SGCZ: variants seen among roughly 807,000 people sequenced by gnomAD.
The protein encoded by SGCZ is sarcoglycan zeta.
A neutral mutation model predicts 41.3 loss-of-function variants in SGCZ; 40 were observed. The observed-to-expected ratio is 0.97, with a 90% CI of 0.75 to 1.26. The LOEUF is 1.26. SGCZ is among the 50% of genes most tolerant of loss of function. The probability of loss-of-function intolerance (pLI) is 0.00; values close to 1 mark genes in which losing one functional copy is unlikely to be tolerated. For missense variants in SGCZ, 552 were observed against 369.8 expected (o/e 1.49, Z -4.04); for synonymous variants, 206 against 137.5 (o/e 1.50, Z -3.49).
chr8:15,172,152 C>CGGTTTTTTTTTTTTTTT (rs1322884184), intron 1 of SGCZ, among the ~76,000 whole-genome samples: 6 of 70,556 alleles, frequency 8.5e-5, no homozygotes, highest in African/African-American at 2.2e-4. Flanking sequence ...CTTTTATACT[C>CGGTTTTTTTTTTTTTTT]TGTTTTTTTT....
intron 1 of SGCZ, among the ~76,000 whole-genome samples, chr8:15,232,693 G>T (rs1474737325): frequency 3.6e-5 from 5 of 139,628 alleles, no homozygotes; most frequent in Non-Finnish European, 6.3e-5. Context: ...ATATATATGT[G>T]TGTATATATA....
chr8:14,422,916 C>T (rs567398599), intron 2 of SGCZ, among the ~76,000 whole-genome samples: 1 of 151,976 alleles, frequency 6.6e-6, no homozygotes, highest in Non-Finnish European at 1.5e-5. Context: ...TAGTCCCAGC[C>T]ACTTCAGGGA....
chr8:14,478,415 G>C (rs2116997024), intron 2 of SGCZ, among the ~76,000 whole-genome samples: 1 of 152,318 alleles, frequency 6.6e-6, no homozygotes, highest in East Asian at 1.9e-4. Flanking sequence ...GTTTCTAACA[G>C]TATGAAGCCA....
At chr8:14,745,585 C>G (rs1799317959) in intron 1 of SGCZ, among the ~76,000 whole-genome samples, 1 of 151,970 alleles carries the variant, frequency 6.6e-6, no homozygotes, top group Admixed American at 6.6e-5. Context: ...TAAATACACA[C>G]ATACATAATA....
At chr8:15,148,636 C>T (rs965276747) in intron 1 of SGCZ, among the ~76,000 whole-genome samples, 1 of 152,188 alleles carries the variant, frequency 6.6e-6, no homozygotes, top group Admixed American at 6.5e-5. Flanking sequence ...TTGAGTCTCA[C>T]TTATACTACG....
chr8:15,220,127 C>G (rs1801543120), intron 1 of SGCZ, among the ~76,000 whole-genome samples: 1 of 152,042 alleles, frequency 6.6e-6, no homozygotes, highest in South Asian at 2.1e-4. Context: ...GCACACTTAA[C>G]AAATGAAATA....
In SGCZ at chr8:14,085,833, T is replaced by C. The variant is rs1482978195; in HGVS notation, c.*4610A>G. On this transcript the variant is annotated 3_prime_UTR_variant, in exon 8 of 8. Coordinates refer to ENST00000382080, the MANE Select transcript of SGCZ (RefSeq NM_139167.4). ...TCCAAGAAGGATGTTTACTACCTCA[T>C]GTTATAATTATAAGCCCCCCTATTC... Among the ~76,000 whole-genome samples the C allele has an allele frequency of 2.0e-5, 3 of 151,820 alleles. No individual in the cohort carries two copies. Among genetic ancestry groups the C allele is most frequent in the African/African-American group, 7.2e-5 (3 of 41,420 alleles).
At chr8:15,136,190 G>A (rs1808099592) in intron 1 of SGCZ, among the ~76,000 whole-genome samples, 1 of 152,036 alleles carries the variant, frequency 6.6e-6, no homozygotes, top group South Asian at 2.1e-4. Flanking sequence ...CCTGAGTAGA[G>A]TCCTGCCTCC....
At chr8:14,115,222 C>T (rs545068424) in intron 5 of SGCZ, among the ~76,000 whole-genome samples, 13 of 152,086 alleles carry the variant, frequency 8.5e-5, no homozygotes, top group African/African-American at 2.9e-4. Context: ...GTAACATACA[C>T]ACCTGAGGCT....
intron 4 of SGCZ, among the ~76,000 whole-genome samples, chr8:14,187,935 G>T (rs1563174430): frequency 6.6e-6 from 1 of 152,076 alleles, no homozygotes; most frequent in Non-Finnish European, 1.5e-5. Context: ...AATCTTGAAA[G>T]GAGCAAGAGA....
intron 1 of SGCZ, among the ~76,000 whole-genome samples, chr8:14,893,542 A>G (rs1459768501): frequency 1.3e-5 from 2 of 152,166 alleles, no homozygotes; most frequent in Non-Finnish European, 2.9e-5. Context: ...ATTTTAATGT[A>G]TGTATGCTAG....
chr8:14,204,984 G>C (rs139779652), intron 4 of SGCZ, among the ~76,000 whole-genome samples: 1 of 151,962 alleles, frequency 6.6e-6, no homozygotes, highest in Admixed American at 6.6e-5. Context: ...CATATTAATA[G>C]GAACCTATAT....
At chr8:14,646,943 C>A (rs1393912248) in intron 1 of SGCZ, among the ~76,000 whole-genome samples, 1 of 151,894 alleles carries the variant, frequency 6.6e-6, no homozygotes, top group Non-Finnish European at 1.5e-5. Context: ...ACTCTAGCTC[C>A]AGCTGTCTCT....
At chr8:15,070,576 C>T (rs1805312887) in intron 1 of SGCZ, among the ~76,000 whole-genome samples, 1 of 152,066 alleles carries the variant, frequency 6.6e-6, no homozygotes, top group Non-Finnish European at 1.5e-5. Context: ...TTGCATAGGG[C>T]CCATGGGCCT....
chr8:14,148,486 G>C (rs1480559144), intron 5 of SGCZ, among the ~76,000 whole-genome samples: 2 of 151,810 alleles, frequency 1.3e-5, no homozygotes, highest in African/African-American at 4.8e-5. Flanking sequence ...GAGCCAAGAA[G>C]AGATCCAAAA....
intron 2 of SGCZ, among the ~76,000 whole-genome samples, chr8:14,476,323 C>T (rs151158230): frequency 6.6e-6 from 1 of 152,184 alleles, no homozygotes; most frequent in African/African-American, 2.4e-5. Context: ...CTCCAGCTTA[C>T]AGACAGAACA....
intron 1 of SGCZ, among the ~76,000 whole-genome samples, chr8:14,948,972 G>C (rs904412265): frequency 6.7e-6 from 1 of 150,126 alleles, no homozygotes; most frequent in Non-Finnish European, 1.5e-5. Context: ...TTTTCCCTCT[G>C]ATTTCCCCTG....
At chr8:14,658,445 A>G (rs2117475783) in intron 1 of SGCZ, among the ~76,000 whole-genome samples, 1 of 152,164 alleles carries the variant, frequency 6.6e-6, no homozygotes, top group Admixed American at 6.6e-5. Flanking sequence ...TTTTCTCATC[A>G]TTCTAAGCTT....
chr8:14,476,404 T>C (rs141095280), intron 2 of SGCZ, among the ~76,000 whole-genome samples: 21 of 152,228 alleles, frequency 1.4e-4, no homozygotes, highest in African/African-American at 4.8e-4. Flanking sequence ...TATATATTTC[T>C]ATATGTCTTG....
Sources: allele counts gnomAD v4.1 joint callset (sites outside exome capture counted in the v4.1 genomes callset), GRCh38; gene constraint gnomAD v4.1.1; transcripts MANE v1.5; gene names NCBI Gene and HGNC (gene_info 2026-07-23, HGNC 2026-07-21).